IP6K3: variants seen among roughly 807,000 people sequenced by gnomAD.
IP6K3 encodes the protein inositol hexakisphosphate kinase 3, also known as ATP:1D-myo-inositol-hexakisphosphate phosphotransferase.
In IP6K3, 20 loss-of-function variants were observed where a neutral mutation model predicts 28.8. That is an observed-to-expected ratio of 0.70 (90% confidence interval 0.49 to 1.01). IP6K3 has a LOEUF of 1.01. Ranked by LOEUF, IP6K3 falls within the 50% of genes least tolerant of loss-of-function variation. The pLI is 0.00. For missense variants in IP6K3, 480 were observed against 537.1 expected (o/e 0.89, Z 1.05); for synonymous variants, 213 against 221.3 (o/e 0.96, Z 0.33).
At chr6:33,747,045 GA>G (rs1330910098), upstream of IP6K3, 2 of 152,890 alleles carry the variant, frequency 1.3e-5, no homozygotes, top group Non-Finnish European at 2.9e-5. The surrounding 1 kb of genome is among the most constrained non-coding windows in gnomAD (Gnocchi z 5.2). Context: ...GGCTGGAAGG[GA>G]GGGGACAAAG....
intron 1 of IP6K3, among the ~76,000 whole-genome samples, chr6:33,743,177 C>G (rs1766787007): frequency 6.6e-6 from 1 of 152,190 alleles, no homozygotes; most frequent in Non-Finnish European, 1.5e-5. Flanking sequence ...CTGAGATCAC[C>G]AAGGTGCTGA....
rs1765956577 is a variant in IP6K3 at position 33,722,876 on chromosome 6, A to C, written c.1077T>G (p.Gly359=). Residue 359 remains glycine, a synonymous_variant, in exon 6 of 6, where the codon GGT becomes GGG. Coordinates refer to ENST00000293756, the MANE Select transcript of IP6K3 (RefSeq NM_054111.5). ...PQAAHGSSPG[G]LTKVDIRMID... ...TCATGCGGATGTCAACCTTGGTGAG[A>C]CCACCGGGAGAGCTACCGTGGGCTG... is the stretch of plus-strand genomic sequence containing the variant. The C allele has an allele frequency of 6.2e-7, 1 of 1,614,088 alleles. No homozygotes were observed. Among genetic ancestry groups the C allele is most frequent in the Non-Finnish European group, 8.5e-7 (1 of 1,180,016 alleles).
upstream of IP6K3, among the ~76,000 whole-genome samples, chr6:33,747,951 G>A (rs1010463849): frequency 6.6e-6 from 1 of 152,080 alleles, no homozygotes; most frequent in East Asian, 1.9e-4. This position sits in a 1 kb window ranked among gnomAD's most constrained non-coding sequence, Gnocchi z 5.2. Context: ...CTGGTGGACC[G>A]GGAGAGAGGG....
intron 2 of IP6K3, among the ~76,000 whole-genome samples, chr6:33,734,221 AAAAAG>A (rs1483758645): frequency 1.3e-5 from 2 of 151,058 alleles, no homozygotes; most frequent in African/African-American, 2.4e-5. Context: ...AAAAAAAAAA[AAAAAG>A]AGAATTCCTG....
At chr6:33,755,418 G>C in the IP6K3 span, among the ~76,000 whole-genome samples, 1 of 152,362 alleles carries the variant, frequency 6.6e-6, no homozygotes, top group African/African-American at 2.4e-5. Flanking sequence ...GCAGCCTCGA[G>C]CAGATGGAGA....
intron 3 of IP6K3, 81 bp downstream of exon 3, chr6:33,728,006 G>T: frequency 1.3e-6 from 2 of 1,546,590 alleles, no homozygotes; most frequent in South Asian, 1.2e-5. Context: ...AATAGGGAGT[G>T]GTTGGCCTTG....
intron 2 of IP6K3, 128 bp from the exon 3 acceptor site, chr6:33,728,428 C>A: frequency 1.2e-6 from 1 of 812,332 alleles, no homozygotes. Flanking sequence ...TCCCCAGCTC[C>A]TCTCTCAAGG....
chr6:33,756,747 C>G, the IP6K3 span, among the ~76,000 whole-genome samples: 1 of 152,266 alleles, frequency 6.6e-6, no homozygotes, highest in African/African-American at 2.4e-5. Context: ...AGACTATCCC[C>G]ATTTTATAGA....
At chr6:33,725,374 A>G in intron 5 of IP6K3, 67 bp downstream of exon 5, 1 of 1,474,390 alleles carries the variant, frequency 6.8e-7, no homozygotes, top group Non-Finnish European at 9.1e-7. Context: ...TCTGGATGGG[A>G]GATATCCTTG....
At chr6:33,732,026 G>A (rs1042643683) in intron 2 of IP6K3, among the ~76,000 whole-genome samples, 3 of 152,220 alleles carry the variant, frequency 2.0e-5, no homozygotes, top group Non-Finnish European at 4.4e-5. Context: ...CTGAGCCTCC[G>A]TGAATATTCT....
the IP6K3 span, among the ~76,000 whole-genome samples, chr6:33,756,831 A>C: frequency 6.6e-6 from 1 of 152,202 alleles, no homozygotes; most frequent in Non-Finnish European, 1.5e-5. Flanking sequence ...CAAACCAGGA[A>C]GAAAACCCAG....
intron 1 of IP6K3, among the ~76,000 whole-genome samples, chr6:33,743,156 G>A (rs487835): frequency 0.19 from 29,143 of 152,242 alleles, 3,107 homozygotes; most frequent in African/African-American, 0.26. Context: ...TCAGTGCAGG[G>A]AGGTGGCACC....
chr6:33,732,317 G>A (rs775123552), intron 2 of IP6K3, among the ~76,000 whole-genome samples: 15 of 152,210 alleles, frequency 9.9e-5, no homozygotes, highest in Non-Finnish European at 2.1e-4. Context: ...CGAGAAGGGA[G>A]AACATGCACT....
At chr6:33,732,281 C>T (rs530148288) in intron 2 of IP6K3, among the ~76,000 whole-genome samples, 1 of 152,348 alleles carries the variant, frequency 6.6e-6, no homozygotes, top group Admixed American at 6.5e-5. Context: ...CATCATCCTC[C>T]CTGATGCCAT....
chr6:33,762,088 G>A, the IP6K3 span, among the ~76,000 whole-genome samples: 5 of 152,186 alleles, frequency 3.3e-5, no homozygotes, highest in African/African-American at 4.8e-5. Context: ...CTCCTGGGAC[G>A]CCAGCAACCC....
intron 1 of IP6K3, among the ~76,000 whole-genome samples, chr6:33,738,765 A>C (rs1401425595): frequency 6.6e-6 from 1 of 152,226 alleles, no homozygotes; most frequent in Non-Finnish European, 1.5e-5. Flanking sequence ...AAATTGAGCC[A>C]CAAGGAGGCC....
chr6:33,725,641 C>T lies in IP6K3; in HGVS notation c.590-25G>A, dbSNP rs201939238. The stretch of plus-strand genomic sequence containing the variant: ...CCTAGTCACACTAAGTTAAGGAAGG[C>T]TCTGAGGACTTCAGAACTGCTGCTC... On this transcript the variant is annotated intron_variant, in intron 4 of 5. Coordinates refer to ENST00000293756, the MANE Select transcript of IP6K3 (RefSeq NM_054111.5). The T allele has an allele frequency of 1.7e-3, 2,733 of 1,601,560 alleles. 7 individuals are homozygous for T. Among genetic ancestry groups the T allele is most frequent in the Non-Finnish European group, 2.1e-3 (2,511 of 1,170,692 alleles).
upstream of IP6K3, among the ~76,000 whole-genome samples, chr6:33,749,338 T>C (rs1766989874): frequency 1.3e-5 from 2 of 152,074 alleles, no homozygotes; most frequent in African/African-American, 4.8e-5. Context: ...ATCTGAGACA[T>C]ACAGCAGTAA....
At chr6:33,760,963 T>A in the IP6K3 span, among the ~76,000 whole-genome samples, 8 of 152,178 alleles carry the variant, frequency 5.3e-5, no homozygotes, top group African/African-American at 1.9e-4. Context: ...TCTTCTCTCC[T>A]TTGACAAACC....
Sources: allele counts gnomAD v4.1 joint callset (sites outside exome capture counted in the v4.1 genomes callset), GRCh38; gene constraint gnomAD v4.1.1; non-coding constraint Gnocchi (gnomAD v3.1); transcripts MANE v1.5; gene names NCBI Gene and HGNC (gene_info 2026-07-23, HGNC 2026-07-21).